SLC9B1: variants seen among roughly 807,000 people sequenced by gnomAD.
The protein encoded by SLC9B1 is solute carrier family 9 member B1, also known as sodium/hydrogen exchanger 9B1.
In SLC9B1, 32 loss-of-function variants were observed where a neutral mutation model predicts 51.7. The ratio of observed to expected loss-of-function variants is 0.62; its 90% confidence interval spans 0.47 to 0.83. The LOEUF (loss-of-function observed/expected upper bound fraction) is 0.83. Among genes scored for constraint, SLC9B1 ranks in the 40% least tolerant of loss-of-function variants. The pLI, the probability that SLC9B1 is intolerant of heterozygous loss-of-function variation, is 0.00. For missense variants in SLC9B1, 406 were observed against 613.2 expected (o/e 0.66, Z 3.57); for synonymous variants, 145 against 212.7 (o/e 0.68, Z 2.77).
intron 3 of SLC9B1, chr4:102,962,479 A>G: frequency 4.0e-6 from 2 of 498,930 alleles, no homozygotes; most frequent in East Asian, 5.8e-5. Context: ...TTATGTTTGA[A>G]TTATTTAATG....
intron 6 of SLC9B1, among the ~76,000 whole-genome samples, chr4:102,933,699 T>C (rs1448063537): frequency 2.0e-5 from 3 of 152,080 alleles, no homozygotes; most frequent in Non-Finnish European, 2.9e-5. Context: ...CAGGGCTGCC[T>C]CAGGACATGG....
chr4:102,950,760 G>A (rs573560771), intron 3 of SLC9B1, among the ~76,000 whole-genome samples: 3 of 152,186 alleles, frequency 2.0e-5, no homozygotes, highest in Admixed American at 6.5e-5. Context: ...TTGGGAGGCT[G>A]AGGCAGGTGG....
intron 3 of SLC9B1, 116 bp downstream of exon 3, chr4:102,989,684 G>T: frequency 1.7e-6 from 1 of 594,282 alleles, no homozygotes; most frequent in Non-Finnish European, 2.7e-6. Context: ...TTGTAACAAA[G>T]CTGATCATCT....
intron 1 of SLC9B1, among the ~76,000 whole-genome samples, chr4:103,013,309 T>C (rs1013985766): frequency 2.6e-5 from 4 of 152,236 alleles, no homozygotes; most frequent in Non-Finnish European, 4.4e-5. Context: ...CTTCCTGCAA[T>C]GCACACTACA....
chr4:102,925,954 A>G (rs1480626977), intron 7 of SLC9B1, among the ~76,000 whole-genome samples: 1 of 152,232 alleles, frequency 6.6e-6, no homozygotes, highest in Admixed American at 6.5e-5. Context: ...ATGTAACTCA[A>G]TAAACATAAT....
At chr4:102,906,037 G>A (rs566149384) in intron 10 of SLC9B1, among the ~76,000 whole-genome samples, 7 of 152,220 alleles carry the variant, frequency 4.6e-5, no homozygotes, top group East Asian at 1.9e-4. Flanking sequence ...CCGGGTTCAC[G>A]CGATTCTCCT....
At chr4:102,977,297 T>C (rs1208606767) in intron 3 of SLC9B1, among the ~76,000 whole-genome samples, 1 of 129,334 alleles carries the variant, frequency 7.7e-6, no homozygotes, top group Admixed American at 7.8e-5. Flanking sequence ...TATTATAACT[T>C]AAAAAAAAAA....
At chr4:102,931,284 C>A in intron 7 of SLC9B1, among the ~76,000 whole-genome samples, 5 of 139,494 alleles carry the variant, frequency 3.6e-5, no homozygotes, top group South Asian at 2.3e-4. Flanking sequence ...GAATATTTGA[C>A]AGAGAGAGAG....
At chr4:102,968,124 C>A (rs886333605) in intron 3 of SLC9B1, among the ~76,000 whole-genome samples, 26 of 152,140 alleles carry the variant, frequency 1.7e-4, no homozygotes, top group Admixed American at 1.3e-4. Context: ...CAGCAGTAGT[C>A]AAGACAGTGT....
chr4:102,909,987 G>T (rs1317450908), intron 9 of SLC9B1, among the ~76,000 whole-genome samples: 1 of 151,290 alleles, frequency 6.6e-6, no homozygotes, highest in Non-Finnish European at 1.5e-5. Flanking sequence ...GCTAATTTTT[G>T]TATTTTTAGT....
intron 7 of SLC9B1, among the ~76,000 whole-genome samples, chr4:102,920,585 C>T (rs1284090628): frequency 6.6e-6 from 1 of 152,144 alleles, no homozygotes; most frequent in Non-Finnish European, 1.5e-5. Context: ...AAGTAGGCTT[C>T]AGAAGGTTGG....
chr4:103,010,110 C>T (rs563916474), intron 1 of SLC9B1, among the ~76,000 whole-genome samples: 47 of 152,254 alleles, frequency 3.1e-4, no homozygotes, highest in Middle Eastern at 3.4e-3. Flanking sequence ...CTTGTTGCCA[C>T]AATAAAGTGA....
chr4:102,943,765 C>T (rs763842859), intron 6 of SLC9B1, among the ~76,000 whole-genome samples: 6 of 151,918 alleles, frequency 3.9e-5, no homozygotes, highest in African/African-American at 1.2e-4. Flanking sequence ...GGAGGGTGAG[C>T]GATAAAAGAC....
At chr4:102,961,760 T>G (rs1442305397) in intron 3 of SLC9B1, among the ~76,000 whole-genome samples, 2 of 152,262 alleles carry the variant, frequency 1.3e-5, no homozygotes, top group Non-Finnish European at 2.9e-5. Context: ...CTGGGATACA[T>G]GTGCAGAACG....
intron 6 of SLC9B1, among the ~76,000 whole-genome samples, chr4:102,944,670 A>G (rs540995271): frequency 5.9e-5 from 9 of 152,386 alleles, no homozygotes; most frequent in African/African-American, 1.9e-4. Flanking sequence ...TAGAGACAGT[A>G]GTTACAGACT....
downstream of SLC9B1, among the ~76,000 whole-genome samples, chr4:102,899,795 T>C (rs1441212291): frequency 6.6e-6 from 1 of 152,234 alleles, no homozygotes; most frequent in Non-Finnish European, 1.5e-5. Flanking sequence ...TTTAAATTTT[T>C]AGAATTTGAG....
intron 1 of SLC9B1, among the ~76,000 whole-genome samples, chr4:103,006,037 A>G (rs1740766586): frequency 6.6e-6 from 1 of 152,084 alleles, no homozygotes; most frequent in Non-Finnish European, 1.5e-5. Context: ...GCTAGAAGAA[A>G]TAGAAAAACA....
chr4:102,923,771 C>G (rs1313234237), intron 7 of SLC9B1, among the ~76,000 whole-genome samples: 1 of 152,124 alleles, frequency 6.6e-6, no homozygotes, highest in Non-Finnish European at 1.5e-5. Flanking sequence ...CAATAACAAA[C>G]AGAGAGCCAA....
At position 102,939,098 on chromosome 4, in the gene SLC9B1, C is replaced by T. The variant is rs542587561; in HGVS notation, c.653+6095G>A. Among the ~76,000 whole-genome samples, 9 of 148,488 alleles carry T rather than the reference C, an allele frequency of 6.1e-5. No individual in the cohort carries two copies. The East Asian group carries it at 1.4e-3, about 23-fold the overall frequency. ...TAAATGAAACTAAAAGCTGGTTCTT[C>T]GAGAGAATAAATAAATTGGATAGGT... On this transcript the variant is annotated intron_variant, in intron 6 of 11. Transcript: ENST00000296422.
Sources: gnomAD v4.1 joint callset for allele counts (sites outside exome capture counted in the v4.1 genomes callset) on GRCh38, gnomAD v4.1.1 for gene constraint, MANE v1.5 for transcripts, NCBI Gene and HGNC (gene_info 2026-07-23, HGNC 2026-07-21) for gene names.